Variants in STXBP5 observed in about 807,000 individuals in gnomAD.
STXBP5 encodes the protein syntaxin-binding protein 5.
In STXBP5, 50 loss-of-function variants were observed where a neutral mutation model predicts 152.4. The observed-to-expected ratio is 0.33, with a 90% CI of 0.26 to 0.42. STXBP5 has a LOEUF of 0.42. STXBP5 is among the 10% of genes least tolerant of loss of function. STXBP5 has a pLI of 1.00. For synonymous variants in STXBP5, 492 were observed against 494.7 expected (o/e 0.99, Z 0.07); for missense variants, 1,167 against 1,388.6 (o/e 0.84, Z 2.54).
At chr6:147,309,966 T>C (rs1782282568) in intron 9 of STXBP5, 118 bp from the exon 10 acceptor site, 2 of 663,194 alleles carry the variant, frequency 3.0e-6, no homozygotes, top group East Asian at 6.5e-5. Flanking sequence ...AATTATATGA[T>C]GTGTAAAAAT....
chr6:147,275,105 A>G (rs932337116), intron 7 of STXBP5, among the ~76,000 whole-genome samples: 3 of 152,200 alleles, frequency 2.0e-5, no homozygotes, highest in African/African-American at 7.2e-5. Flanking sequence ...TCTAATAAGA[A>G]TAGCAGAAGG....
chr6:147,214,488 A>T (rs1433945960), intron 2 of STXBP5, among the ~76,000 whole-genome samples: 1 of 152,160 alleles, frequency 6.6e-6, no homozygotes, highest in Non-Finnish European at 1.5e-5. Flanking sequence ...CTCAATGGCC[A>T]TGTGTTTAGT....
intron 21 of STXBP5, among the ~76,000 whole-genome samples, chr6:147,342,832 G>A (rs1784152731): frequency 6.6e-6 from 1 of 152,024 alleles, no homozygotes; most frequent in Non-Finnish European, 1.5e-5. Context: ...CTACATGCTA[G>A]CATTGTTTGA....
chr6:147,360,801 T>A (rs549158886), intron 23 of STXBP5, among the ~76,000 whole-genome samples: 1 of 152,178 alleles, frequency 6.6e-6, no homozygotes, highest in Non-Finnish European at 1.5e-5. Flanking sequence ...GGTGAGGAGA[T>A]AACTGAGAAT....
At chr6:147,378,858 T>A (rs960882166) in intron 26 of STXBP5, among the ~76,000 whole-genome samples, 2 of 152,136 alleles carry the variant, frequency 1.3e-5, no homozygotes, top group African/African-American at 4.8e-5. Context: ...TACCACAAAA[T>A]TACTAGCTTA....
At position 147,374,334 on chromosome 6, in the gene STXBP5, G is replaced by C. The variant is rs146641527; in HGVS notation, c.3193+492G>C. Among the ~76,000 whole-genome samples, 1,136 of 152,086 alleles carry C rather than the reference G, an allele frequency of 7.5e-3. 13 individuals carry two copies. Among genetic ancestry groups the C allele is most frequent in the African/African-American group, 0.026 (1,078 of 41,492 alleles). On this transcript the variant is annotated intron_variant, in intron 26 of 27. Transcript: ENST00000321680. ...TGAACTAATGAATCAGTGAATGCTT[G>C]ACCTTTCTTATGAATGGCAGCTAGT... is the stretch of plus-strand genomic sequence containing the variant.
intron 4 of STXBP5, among the ~76,000 whole-genome samples, chr6:147,251,061 G>T (rs1779063982): frequency 6.6e-6 from 1 of 151,756 alleles, no homozygotes. Context: ...GAAGGGAGGT[G>T]ATTTCTGCAT....
chr6:147,240,624 C>T (rs1778495646), intron 4 of STXBP5, among the ~76,000 whole-genome samples: 1 of 151,778 alleles, frequency 6.6e-6, no homozygotes, highest in Non-Finnish European at 1.5e-5. Context: ...AACCTGTTGA[C>T]AATAAAGGTG....
chr6:147,366,878 G>T (rs1438095087), intron 25 of STXBP5, among the ~76,000 whole-genome samples: 5 of 152,166 alleles, frequency 3.3e-5, no homozygotes, highest in Non-Finnish European at 5.9e-5. Flanking sequence ...TGAAATTCAA[G>T]AAAACTTAAA....
At chr6:147,333,650 A>C (rs1783691458) in intron 18 of STXBP5, among the ~76,000 whole-genome samples, 1 of 152,224 alleles carries the variant, frequency 6.6e-6, no homozygotes, top group Admixed American at 6.5e-5. Context: ...GTTCTTAGGA[A>C]ATGTTACTTT....
In STXBP5 at chr6:147,385,347, G is replaced by A. The variant is rs1168815167; in HGVS notation, c.*592G>A. 1 of 152,056 alleles carries A rather than the reference G, an allele frequency of 6.6e-6. No individual in the cohort carries two copies. Among genetic ancestry groups the A allele is most frequent in the Non-Finnish European group, 1.5e-5 (1 of 67,992 alleles). 9.4% of individuals were successfully genotyped at this position (152,056 alleles called of 1,614,324 possible). Reference sequence around the variant, plus strand: ...TTTAAATAATAAAAACATACACATAGTTGACTTGTGTATGAGCTACTCTTG... The same window carrying A: ...TTTAAATAATAAAAACATACACATAATTGACTTGTGTATGAGCTACTCTTG... On this transcript the variant is annotated 3_prime_UTR_variant, in exon 28 of 28. Coordinates refer to ENST00000321680, the MANE Select transcript of STXBP5 (RefSeq NM_001127715.4).
intron 2 of STXBP5, among the ~76,000 whole-genome samples, chr6:147,233,537 A>G (rs1255444948): frequency 6.6e-6 from 1 of 151,770 alleles, no homozygotes; most frequent in East Asian, 1.9e-4. Context: ...CAACTTATTC[A>G]TTGATTCCGA....
At chr6:147,358,320 A>G (rs144774993) in intron 22 of STXBP5, among the ~76,000 whole-genome samples, 2,466 of 152,252 alleles carry the variant, frequency 0.016, 31 homozygotes, top group Middle Eastern at 0.034. Flanking sequence ...GTCACACTCT[A>G]CCAGTCATGG....
chr6:147,315,504 C>CT lies in STXBP5; in HGVS notation c.1403-5dup. 1 of 1,552,292 alleles carries CT rather than the reference C, an allele frequency of 6.4e-7. No homozygotes were observed. Among genetic ancestry groups the CT allele is most frequent in the Non-Finnish European group, 8.8e-7 (1 of 1,130,432 alleles). Reference sequence around the variant, plus strand: ...TATTAAAGTATCTGACATATATTATCTTTTTTCCAGTAACTCTACAAGTAT... The same window carrying CT: ...TATTAAAGTATCTGACATATATTATCTTTTTTTCCAGTAACTCTACAAGTAT... On this transcript the variant is annotated splice_polypyrimidine_tract_variant and intron_variant, in intron 14 of 27. Coordinates refer to ENST00000321680, the MANE Select transcript of STXBP5 (RefSeq NM_001127715.4).
At chr6:147,305,350 C>G (rs1181439663) in intron 9 of STXBP5, among the ~76,000 whole-genome samples, 1 of 152,154 alleles carries the variant, frequency 6.6e-6, no homozygotes, top group East Asian at 1.9e-4. Context: ...AATTCATCTT[C>G]TGATATTTTC....
chr6:147,295,093 A>G (rs553654914), intron 9 of STXBP5, among the ~76,000 whole-genome samples: 1 of 152,322 alleles, frequency 6.6e-6, no homozygotes, highest in East Asian at 1.9e-4. Flanking sequence ...AAAATTCTTC[A>G]TGAAGGACTA....
rs892261430 is a variant in STXBP5, at chr6:147,388,608, T to A, written c.*3853T>A. ...TCTCATATCGAGATACAATTAATTTTAAAAAATCATACATCATTTAAAAAT... is the reference window on the plus strand; with the variant it reads ...TCTCATATCGAGATACAATTAATTTAAAAAAATCATACATCATTTAAAAAT... On this transcript the variant is annotated 3_prime_UTR_variant, in exon 28 of 28. Transcript: ENST00000321680. 1.3e-5 allele frequency: 2 copies of A among 151,312 alleles called. No individual in the cohort carries two copies. The highest frequency in any genetic ancestry group is 1.9e-4 in the East Asian group (1 of 5,162). The allele number at this position is 151,312 out of a possible 1,614,324, so 9.4% of individuals were successfully genotyped here.
At chr6:147,325,476 G>A (rs907003127) in intron 17 of STXBP5, among the ~76,000 whole-genome samples, 6 of 152,122 alleles carry the variant, frequency 3.9e-5, no homozygotes, top group African/African-American at 1.4e-4. Context: ...GTGTAGTTGT[G>A]TAATTTTTCT....
chr6:147,215,681 C>G (rs1325790294), intron 2 of STXBP5, among the ~76,000 whole-genome samples: 1 of 152,128 alleles, frequency 6.6e-6, no homozygotes, highest in Non-Finnish European at 1.5e-5. Flanking sequence ...TGCGCCGAGC[C>G]AATTTTTTAA....
Sources: allele counts gnomAD v4.1 joint callset (sites outside exome capture counted in the v4.1 genomes callset), GRCh38; gene constraint gnomAD v4.1.1; transcripts MANE v1.5; gene names NCBI Gene and HGNC (gene_info 2026-07-23, HGNC 2026-07-21).